Variants in GALNTL6 observed in about 807,000 individuals in gnomAD.
GALNTL6 encodes the protein polypeptide N-acetylgalactosaminyltransferase like 6, also known as polypeptide N-acetylgalactosaminyltransferase-like 6.
In GALNTL6, 46 loss-of-function variants were observed where a neutral mutation model predicts 73.7. That is an observed-to-expected ratio of 0.62 (90% CI 0.49 to 0.80). The LOEUF is 0.80. Ranked by LOEUF, GALNTL6 falls within the 30% of genes least tolerant of loss-of-function variation. The probability of loss-of-function intolerance (pLI) is 0.00; values close to 1 mark genes in which losing one functional copy is unlikely to be tolerated. For synonymous variants in GALNTL6, 259 were observed against 263.7 expected (o/e 0.98, Z 0.17); for missense variants, 604 against 755.0 (o/e 0.80, Z 2.34).
intron 2 of GALNTL6, among the ~76,000 whole-genome samples, chr4:172,108,538 A>C (rs1297687326): frequency 6.6e-6 from 1 of 152,150 alleles, no homozygotes; most frequent in African/African-American, 2.4e-5. Flanking sequence ...TTATTGGGTG[A>C]GTAAAGCAGA....
chr4:172,659,472 C>T (rs1004993229), intron 5 of GALNTL6, among the ~76,000 whole-genome samples: 1 of 152,042 alleles, frequency 6.6e-6, no homozygotes, highest in Non-Finnish European at 1.5e-5. Flanking sequence ...AGATCTTATT[C>T]CTTCTATTTA....
chr4:171,945,787 C>G (rs1578995687), intron 2 of GALNTL6, among the ~76,000 whole-genome samples: 1 of 152,022 alleles, frequency 6.6e-6, no homozygotes. Flanking sequence ...TTCAGTCTGG[C>G]TTTTGATATC....
chr4:171,946,425 T>C (rs961399335), intron 2 of GALNTL6, among the ~76,000 whole-genome samples: 62 of 152,294 alleles, frequency 4.1e-4, no homozygotes, highest in Non-Finnish European at 4.1e-4. Flanking sequence ...AAGCAATTCC[T>C]GGGTAGAGTT....
chr4:172,089,614 C>T (rs1732141730), intron 2 of GALNTL6, among the ~76,000 whole-genome samples: 1 of 151,888 alleles, frequency 6.6e-6, no homozygotes, highest in African/African-American at 2.4e-5. Flanking sequence ...GAAAAAAAAA[C>T]TCAAAAGCAA....
intron 5 of GALNTL6, among the ~76,000 whole-genome samples, chr4:172,572,659 T>C (rs1283074057): frequency 6.6e-6 from 1 of 152,178 alleles, no homozygotes; most frequent in African/African-American, 2.4e-5. Context: ...TCAAACCAAT[T>C]TCTGTGTTCC....
rs536824674 is a variant in GALNTL6 at position 172,811,751 on chromosome 4, C to A, written c.740-1789C>A. ...GCTTACCAGGGCCATGCTCTAAAAT[C>A]GCAACCCTTTCCACACTCCAGTATC... On this transcript the variant is annotated intron_variant, in intron 6 of 12. Coordinates refer to ENST00000506823, the MANE Select transcript of GALNTL6 (RefSeq NM_001034845.3). 2.6e-5 allele frequency among the ~76,000 whole-genome samples: 4 copies of A among 152,338 alleles called. No homozygotes were observed. In the East Asian group the frequency reaches 7.7e-4, roughly 29 times the overall value.
At chr4:172,685,075 A>G (rs565002715) in intron 5 of GALNTL6, among the ~76,000 whole-genome samples, 79 of 152,312 alleles carry the variant, frequency 5.2e-4, no homozygotes, top group Middle Eastern at 6.8e-3. Context: ...GCATTCTATT[A>G]CTTGAGTTTT....
intron 2 of GALNTL6, among the ~76,000 whole-genome samples, chr4:171,898,041 G>A (rs1406377696): frequency 6.6e-6 from 1 of 151,954 alleles, no homozygotes; most frequent in East Asian, 1.9e-4. Context: ...GATTCAGTAA[G>A]ACAACTCAAT....
chr4:172,831,932 G>A (rs9993772), intron 7 of GALNTL6, among the ~76,000 whole-genome samples: 20,522 of 152,158 alleles, frequency 0.13, 2,522 homozygotes, highest in African/African-American at 0.31. Context: ...CCTGATCTCC[G>A]TCATCCAGCC....
intron 2 of GALNTL6, among the ~76,000 whole-genome samples, chr4:171,917,001 G>A (rs1737651100): frequency 6.6e-6 from 1 of 152,046 alleles, no homozygotes; most frequent in Admixed American, 6.6e-5. Flanking sequence ...AATGTGGGAA[G>A]TGAGAAAAAA....
intron 5 of GALNTL6, among the ~76,000 whole-genome samples, chr4:172,356,113 A>AG (rs1742145591): frequency 1.3e-5 from 2 of 152,136 alleles, no homozygotes; most frequent in Non-Finnish European, 2.9e-5. Flanking sequence ...TTAGAAGCAA[A>AG]ACTGTTACAG....
intron 5 of GALNTL6, among the ~76,000 whole-genome samples, chr4:172,807,215 A>G (rs1741015333): frequency 1.3e-5 from 2 of 152,200 alleles, no homozygotes; most frequent in Non-Finnish European, 2.9e-5. Context: ...GGCAGGAGCA[A>G]AGAGGCACAC....
intron 12 of GALNTL6, among the ~76,000 whole-genome samples, chr4:173,039,659 G>C (rs1057510747): frequency 3.3e-5 from 5 of 152,214 alleles, no homozygotes; most frequent in African/African-American, 9.6e-5. Context: ...TGAATGGATT[G>C]CTTTTTTAAA....
intron 9 of GALNTL6, among the ~76,000 whole-genome samples, chr4:172,946,019 T>C (rs1337587320): frequency 1.3e-5 from 2 of 152,168 alleles, no homozygotes; most frequent in Non-Finnish European, 2.9e-5. Flanking sequence ...TTTAAAATCA[T>C]GGGATATGGA....
At chr4:172,446,471 G>A (rs983124713) in intron 5 of GALNTL6, among the ~76,000 whole-genome samples, 1 of 152,154 alleles carries the variant, frequency 6.6e-6, no homozygotes, top group Non-Finnish European at 1.5e-5. Flanking sequence ...GGACTACTAG[G>A]AATTAACTAG....
At chr4:172,438,136 T>A (rs336004) in intron 5 of GALNTL6, among the ~76,000 whole-genome samples, 1 of 152,194 alleles carries the variant, frequency 6.6e-6, no homozygotes, top group African/African-American at 2.4e-5. Context: ...TTGACAGTGC[T>A]TTTGAGAATG....
chr4:171,844,752 C>T (rs1367350828), intron 2 of GALNTL6, among the ~76,000 whole-genome samples: 1 of 152,020 alleles, frequency 6.6e-6, no homozygotes, highest in African/African-American at 2.4e-5. Context: ...GAGAATTGCA[C>T]TTGGGGTAAT....
intron 5 of GALNTL6, among the ~76,000 whole-genome samples, chr4:172,469,276 C>T (rs744775): frequency 0.9 from 136,292 of 152,214 alleles, 61,122 homozygotes; most frequent in African/African-American, 0.95. Flanking sequence ...CAGGCAGAAT[C>T]GCTGCCTTAA....
intron 4 of GALNTL6, among the ~76,000 whole-genome samples, chr4:172,340,785 G>C (rs989081785): frequency 1.3e-5 from 2 of 152,156 alleles, no homozygotes; most frequent in Admixed American, 6.5e-5. Flanking sequence ...ATAAGCATTA[G>C]TTTTTACCCT....
Sources: gnomAD v4.1 joint callset for allele counts (sites outside exome capture counted in the v4.1 genomes callset) on GRCh38, gnomAD v4.1.1 for gene constraint, MANE v1.5 for transcripts, NCBI Gene and HGNC (gene_info 2026-07-23, HGNC 2026-07-21) for gene names.